DPYD: variants seen among roughly 807,000 people sequenced by gnomAD.
The protein encoded by DPYD is dihydropyrimidine dehydrogenase.
DPYD carries 109 observed loss-of-function variants against 116.2 expected under a neutral mutation model. The observed-to-expected ratio is 0.94, with a 90% confidence interval of 0.80 to 1.10. DPYD has a LOEUF of 1.10. DPYD is among the 50% of genes least tolerant of loss of function. The probability of loss-of-function intolerance (pLI) is 0.00; values close to 1 mark genes in which losing one functional copy is unlikely to be tolerated. For missense variants in DPYD, 1,302 were observed against 1,254.5 expected (o/e 1.04, Z -0.57); for synonymous variants, 440 against 432.0 (o/e 1.02, Z -0.23).
At chr1:97,898,880 A>C (rs1673215730) in intron 1 of DPYD, among the ~76,000 whole-genome samples, 1 of 151,944 alleles carries the variant, frequency 6.6e-6, no homozygotes, top group East Asian at 1.9e-4. Context: ...TTTGCCTTCC[A>C]ACATGATTGT....
intron 18 of DPYD, among the ~76,000 whole-genome samples, chr1:97,302,952 A>C (rs1666952923): frequency 6.6e-6 from 1 of 151,976 alleles, no homozygotes; most frequent in Non-Finnish European, 1.5e-5. Flanking sequence ...GACATTCCTT[A>C]GCTGAGATCC....
At chr1:97,208,869 T>C (rs548158049) in intron 19 of DPYD, among the ~76,000 whole-genome samples, 1 of 152,266 alleles carries the variant, frequency 6.6e-6, no homozygotes, top group South Asian at 2.1e-4. Flanking sequence ...CTTGTTGGTA[T>C]AGGTGTGACA....
At chr1:97,273,114 G>A (rs532981057) in intron 18 of DPYD, among the ~76,000 whole-genome samples, 7 of 152,156 alleles carry the variant, frequency 4.6e-5, no homozygotes, top group South Asian at 4.1e-4. Context: ...ATGCCAAATA[G>A]TTATTTCAAA....
chr1:97,169,552 TATTTTA>T (rs1282091278), intron 20 of DPYD, among the ~76,000 whole-genome samples: 1 of 149,792 alleles, frequency 6.7e-6, no homozygotes, highest in Non-Finnish European at 1.5e-5. Context: ...TATTTTATTT[TATTTTA>T]TTTGTTATGG....
At chr1:97,124,653 G>A (rs1055639869) in intron 20 of DPYD, among the ~76,000 whole-genome samples, 1 of 152,130 alleles carries the variant, frequency 6.6e-6, no homozygotes, top group Non-Finnish European at 1.5e-5. Context: ...GGCACAAAAT[G>A]TTTGGGTTCA....
chr1:97,193,249 C>T lies in DPYD; in HGVS notation c.2443-1G>A, dbSNP rs1319681736. ...CCTGATTCTGAATGGCACTGCATAC[C>T]TAGAAAAGACAGAGCAGTCAACCAA... On this transcript the variant is annotated splice_acceptor_variant, in intron 19 of 22. Transcript: ENST00000370192. LOFTEE classifies it high-confidence loss of function. The T allele has an allele frequency of 6.2e-7, 1 of 1,612,952 alleles. No homozygotes were observed. Among genetic ancestry groups the T allele is most frequent in the Admixed American group, 1.7e-5 (1 of 59,884 alleles).
chr1:97,321,921 C>A (rs1165918257), intron 16 of DPYD, among the ~76,000 whole-genome samples: 3 of 38,238 alleles, frequency 7.8e-5, no homozygotes, highest in African/African-American at 2.3e-4. Context: ...ATGATGAGTT[C>A]ATGTCCTTTG....
chr1:97,692,283 T>C (rs1489098508), intron 6 of DPYD, among the ~76,000 whole-genome samples: 3 of 152,106 alleles, frequency 2.0e-5, no homozygotes, highest in Non-Finnish European at 4.4e-5. Flanking sequence ...TGTAACTGTA[T>C]TACCATACTG....
chr1:97,082,577 T>A, intron 21 of DPYD, 107 bp from the exon 22 acceptor site: 1 of 1,302,352 alleles, frequency 7.7e-7, no homozygotes, highest in Non-Finnish European at 1.1e-6. Flanking sequence ...TGCATTATAT[T>A]AACTTGGGAG....
intron 19 of DPYD, among the ~76,000 whole-genome samples, chr1:97,198,602 C>T (rs143042761): frequency 1.2e-4 from 19 of 152,268 alleles, no homozygotes; most frequent in Non-Finnish European, 1.5e-5. Flanking sequence ...CTTGTTAAAA[C>T]TCCAAACATG....
intron 16 of DPYD, among the ~76,000 whole-genome samples, chr1:97,367,002 C>T (rs555307483): frequency 2.5e-4 from 38 of 152,220 alleles, no homozygotes; most frequent in Non-Finnish European, 5.1e-4. Flanking sequence ...CCACAGACAT[C>T]TATGGGGGTC....
At chr1:97,702,274 A>G (rs1661640267) in intron 5 of DPYD, among the ~76,000 whole-genome samples, 1 of 151,364 alleles carries the variant, frequency 6.6e-6, no homozygotes, top group Admixed American at 6.6e-5. Context: ...TATATTTTTT[A>G]TATTTCCCCA....
rs1186074493 is a variant in DPYD, at chr1:97,332,130, C to T, written c.2059-25833G>A. On this transcript the variant is annotated intron_variant, in intron 16 of 22. Coordinates refer to ENST00000370192, the MANE Select transcript of DPYD (RefSeq NM_000110.4). ...GTATTTCTGAGCCTAGATCTACTGT[C>T]CAGAGTCATACACCCTTCTTGTCCA... Among the ~76,000 whole-genome samples the T allele has an allele frequency of 2.0e-5, 3 of 152,232 alleles. No individual in the cohort carries two copies. In the East Asian group the frequency reaches 5.8e-4, roughly 29 times the overall value.
At chr1:97,096,315 A>T (rs1650244706) in intron 21 of DPYD, among the ~76,000 whole-genome samples, 1 of 152,178 alleles carries the variant, frequency 6.6e-6, no homozygotes, top group South Asian at 2.1e-4. Flanking sequence ...TTTGAGGGCT[A>T]GAAAAGGTAA....
intron 1 of DPYD, among the ~76,000 whole-genome samples, chr1:97,887,567 T>C (rs1035679764): frequency 1.3e-5 from 2 of 150,124 alleles, no homozygotes; most frequent in African/African-American, 2.5e-5. Flanking sequence ...ATAGCTACAT[T>C]ATGTAAGATG....
intron 15 of DPYD, 39 bp downstream of exon 15, chr1:97,382,354 A>T: frequency 1.6e-6 from 2 of 1,262,168 alleles, no homozygotes; most frequent in Non-Finnish European, 2.2e-6. Context: ...AAAATAGGAG[A>T]GAAGAAATAA....
intron 14 of DPYD, among the ~76,000 whole-genome samples, chr1:97,401,981 A>G (rs1673403174): frequency 6.6e-6 from 1 of 152,018 alleles, no homozygotes; most frequent in African/African-American, 2.4e-5. Flanking sequence ...CAATTGATCT[A>G]TTTGTCTATT....
At chr1:97,777,403 G>A (rs1666468675) in intron 3 of DPYD, among the ~76,000 whole-genome samples, 1 of 152,098 alleles carries the variant, frequency 6.6e-6, no homozygotes, top group Admixed American at 6.5e-5. Flanking sequence ...TCTTCCCTTT[G>A]AAAATCTACT....
At chr1:97,173,301 T>TAC (rs201198752) in intron 20 of DPYD, among the ~76,000 whole-genome samples, 14 of 147,552 alleles carry the variant, frequency 9.5e-5, no homozygotes, top group Middle Eastern at 3.5e-3. Flanking sequence ...TACACATATG[T>TAC]ACATATATAT....
Sources: gnomAD v4.1 joint callset for allele counts (sites outside exome capture counted in the v4.1 genomes callset) on GRCh38, gnomAD v4.1.1 for gene constraint, MANE v1.5 for transcripts, NCBI Gene and HGNC (gene_info 2026-07-23, HGNC 2026-07-21) for gene names.